SPATA6: variants seen among roughly 807,000 people sequenced by gnomAD.
SPATA6 encodes the protein spermatogenesis-associated protein 6.
In SPATA6, 56 loss-of-function variants were observed where a neutral mutation model predicts 65.3. The ratio of observed to expected loss-of-function variants is 0.86; its 90% CI spans 0.69 to 1.07. SPATA6 has a LOEUF of 1.07. SPATA6 is among the 50% of genes least tolerant of loss of function. The probability of loss-of-function intolerance (pLI) is 0.00; values close to 1 mark genes in which losing one functional copy is unlikely to be tolerated. For missense variants in SPATA6, 590 were observed against 594.8 expected, an observed-to-expected ratio of 0.99 and a Z score of 0.08; for synonymous variants, 199 against 213.2, an observed-to-expected ratio of 0.93 and a Z score of 0.58.
intron 11 of SPATA6, among the ~76,000 whole-genome samples, chr1:48,328,291 C>T (rs571735535): frequency 4.6e-5 from 7 of 152,152 alleles, no homozygotes; most frequent in East Asian, 1.9e-4. Flanking sequence ...ATAGATTTAT[C>T]GCATAAATGT....
At chr1:48,424,364 A>T (rs1653641093) in intron 3 of SPATA6, among the ~76,000 whole-genome samples, 4 of 152,240 alleles carry the variant, frequency 2.6e-5, no homozygotes, top group African/African-American at 9.6e-5. Flanking sequence ...TACTCTATTG[A>T]GTAAATGTAT....
intron 9 of SPATA6, among the ~76,000 whole-genome samples, chr1:48,378,172 A>G (rs1041274809): frequency 1.7e-4 from 26 of 152,196 alleles, no homozygotes; most frequent in Admixed American, 1.1e-3. Context: ...CATTACCCCA[A>G]TGAGTTTACC....
the SPATA6 span, among the ~76,000 whole-genome samples, chr1:48,278,141 C>T: frequency 6.6e-6 from 1 of 152,178 alleles, no homozygotes; most frequent in Non-Finnish European, 1.5e-5. Context: ...AGAAGGAAAA[C>T]TAACAAACAG....
At chr1:48,436,488 T>C in intron 3 of SPATA6, 15 of 1,609,922 alleles carry the variant, frequency 9.3e-6, no homozygotes, top group Non-Finnish European at 1.1e-5. Context: ...GGTTGAACTA[T>C]CTGTACCAAA....
the SPATA6 span, among the ~76,000 whole-genome samples, chr1:48,278,939 A>G: frequency 4.6e-5 from 7 of 152,244 alleles, no homozygotes; most frequent in South Asian, 2.1e-4. Context: ...GAGAAAGGTC[A>G]GGTTACCCAC....
chr1:48,400,731 T>G, intron 6 of SPATA6: 24 of 1,220,916 alleles, frequency 2.0e-5, no homozygotes, highest in Non-Finnish European at 2.4e-5. Context: ...ATTGGAAAAG[T>G]GAGTTTCAGC....
Position 48,316,250 on chromosome 1 carries a change from G to C in SPATA6, c.1195-10372C>G, listed in dbSNP as rs557350589. On this transcript the variant is annotated intron_variant, in intron 11 of 12. Coordinates refer to ENST00000371847, the MANE Select transcript of SPATA6 (RefSeq NM_019073.4). ...GTCAATTCTAAGCCAAAAGAACAAA[G>C]CTGGAGGCATCACGCTACCTGACTT... Among the ~76,000 whole-genome samples the C allele has an allele frequency of 2.6e-5, 4 of 152,284 alleles. No homozygotes were observed. In the South Asian group the frequency reaches 8.3e-4, roughly 32 times the overall value.
rs575438106 is a variant in SPATA6 at position 48,453,772 on chromosome 1, T to C, written c.52-641A>G. Among the ~76,000 whole-genome samples, 9 of 151,982 alleles carry C rather than the reference T, an allele frequency of 5.9e-5. No individual in the cohort carries two copies. In the South Asian group the frequency reaches 1.9e-3, roughly 32 times the overall value. ...AGGATTTTCCCTTGTTTACCATGTG[T>C]CCTCAGTGCCTAGAACAGTCCACAG... On this transcript the variant is annotated intron_variant, in intron 1 of 12. Coordinates refer to ENST00000371847, the MANE Select transcript of SPATA6 (RefSeq NM_019073.4).
At chr1:48,331,716 T>C (rs933844623) in intron 11 of SPATA6, among the ~76,000 whole-genome samples, 1 of 150,388 alleles carries the variant, frequency 6.6e-6, no homozygotes, top group Admixed American at 6.7e-5. Context: ...ATTCAGGAAA[T>C]GCAAAGAATT....
At chr1:48,395,427 A>G (rs1393315253) in intron 7 of SPATA6, 73 bp from the exon 8 acceptor site, 1 of 1,047,342 alleles carries the variant, frequency 9.5e-7, no homozygotes, top group Admixed American at 3.4e-5. Context: ...GGTACCAGAA[A>G]AACTACTAGA....
At chr1:48,434,586 G>A (rs1052891025) in intron 3 of SPATA6, among the ~76,000 whole-genome samples, 1 of 152,148 alleles carries the variant, frequency 6.6e-6, no homozygotes, top group African/African-American at 2.4e-5. Flanking sequence ...AATCTGAGGA[G>A]TGACTGGAAA....
At chr1:48,368,163 C>T (rs1468110965) in intron 9 of SPATA6, among the ~76,000 whole-genome samples, 2 of 152,196 alleles carry the variant, frequency 1.3e-5, no homozygotes, top group Non-Finnish European at 2.9e-5. Context: ...GCCAAGAGAT[C>T]AGCTGTTAGT....
chr1:48,344,135 A>C (rs1646296792), intron 11 of SPATA6: 1 of 152,164 alleles, frequency 6.6e-6, no homozygotes, highest in South Asian at 2.1e-4. Context: ...CCTGTTAAAT[A>C]AACAAAAATG....
At chr1:48,420,268 A>T (rs994821787) in intron 3 of SPATA6, among the ~76,000 whole-genome samples, 1 of 152,198 alleles carries the variant, frequency 6.6e-6, no homozygotes, top group Non-Finnish European at 1.5e-5. Flanking sequence ...ACGTCATGCT[A>T]TATATCTCTT....
At chr1:48,299,585 C>T (rs1237562137) in intron 12 of SPATA6, among the ~76,000 whole-genome samples, 1 of 146,978 alleles carries the variant, frequency 6.8e-6, no homozygotes, top group African/African-American at 2.5e-5. Flanking sequence ...TGAATTCCAG[C>T]TCAGTCCTTT....
At chr1:48,385,622 A>G (rs1380008532) in intron 8 of SPATA6, among the ~76,000 whole-genome samples, 1 of 152,184 alleles carries the variant, frequency 6.6e-6, no homozygotes, top group Non-Finnish European at 1.5e-5. Flanking sequence ...TCGATAAACC[A>G]ATTTGTGTCT....
intron 11 of SPATA6, among the ~76,000 whole-genome samples, chr1:48,314,151 G>C (rs1009100993): frequency 2.6e-5 from 4 of 152,054 alleles, no homozygotes; most frequent in African/African-American, 7.2e-5. Context: ...AAGTTAACAA[G>C]GATATCCAGG....
At chr1:48,355,792 AT>A (rs1053910957) in intron 10 of SPATA6, 23 bp from the exon 11 acceptor site, 5 of 1,578,026 alleles carry the variant, frequency 3.2e-6, no homozygotes, top group Non-Finnish European at 4.3e-6. Context: ...AATAAGTTTT[AT>A]TTTTGTTACT....
At chr1:48,280,571 T>G in the SPATA6 span, among the ~76,000 whole-genome samples, 1 of 152,110 alleles carries the variant, frequency 6.6e-6, no homozygotes, top group Non-Finnish European at 1.5e-5. Context: ...ACAAATAAAC[T>G]AGAAAATCTA....
Sources: gnomAD v4.1 joint callset for allele counts (sites outside exome capture counted in the v4.1 genomes callset) on GRCh38, gnomAD v4.1.1 for gene constraint, MANE v1.5 for transcripts, NCBI Gene and HGNC (gene_info 2026-07-23, HGNC 2026-07-21) for gene names.